Variants in PLEKHB1 observed in about 807,000 individuals in gnomAD.
PLEKHB1 encodes pleckstrin homology domain-containing family B member 1.
PLEKHB1 carries 29 observed loss-of-function variants against 36.2 expected under a neutral mutation model. The ratio of observed to expected loss-of-function variants is 0.80; its 90% CI spans 0.60 to 1.09. The LOEUF is 1.09. PLEKHB1 is among the 50% of genes least tolerant of loss of function. The probability of loss-of-function intolerance (pLI) is 0.00; values close to 1 mark genes in which losing one functional copy is unlikely to be tolerated. For missense variants in PLEKHB1, 330 were observed against 348.2 expected, an observed-to-expected ratio of 0.95 and a Z score of 0.42; for synonymous variants, 138 against 140.0, an observed-to-expected ratio of 0.99 and a Z score of 0.10.
chr11:73,657,458 G>A (rs1668910390), intron 6 of PLEKHB1, among the ~76,000 whole-genome samples: 1 of 152,222 alleles, frequency 6.6e-6, no homozygotes, highest in African/African-American at 2.4e-5. Context: ...GTGACCCCCT[G>A]ATTGGTCAAC....
At chr11:73,656,021 C>T in intron 6 of PLEKHB1, 114 bp downstream of exon 6, 1 of 852,168 alleles carries the variant, frequency 1.2e-6, no homozygotes, top group Non-Finnish European at 1.9e-6. Flanking sequence ...CCCTATCACC[C>T]ACAGGACACA....
chr11:73,653,117 T>A, intron 5 of PLEKHB1, 103 bp downstream of exon 5: 1 of 1,235,076 alleles, frequency 8.1e-7, no homozygotes, highest in African/African-American at 1.5e-5. Context: ...CTCAGTCTTA[T>A]GTGGATAGGT....
At chr11:73,647,612 C>A (rs1004395228) in intron 1 of PLEKHB1, 1 of 985,260 alleles carries the variant, frequency 1.0e-6, no homozygotes, top group African/African-American at 1.7e-5. Context: ...GGCTCTCAGG[C>A]GCTGCGGGAG....
intron 1 of PLEKHB1, 116 bp from the exon 2 acceptor site, chr11:73,648,896 G>T: frequency 6.8e-7 from 1 of 1,463,510 alleles, no homozygotes. Context: ...CCTGGCCCTT[G>T]TTTACTAACC....
At chr11:73,651,234 G>A (rs1944885269) in intron 3 of PLEKHB1, among the ~76,000 whole-genome samples, 1 of 151,686 alleles carries the variant, frequency 6.6e-6, no homozygotes. Flanking sequence ...GTGTGTACCT[G>A]TAGTCCCAGC....
intron 5 of PLEKHB1, chr11:73,653,302 G>A (rs1944934114): frequency 3.1e-6 from 2 of 653,380 alleles, no homozygotes; most frequent in Non-Finnish European, 5.7e-6. Context: ...CAGGTGTGGT[G>A]CAGGTATCAT....
At chr11:73,653,934 A>G (rs371785108) in intron 5 of PLEKHB1, among the ~76,000 whole-genome samples, 1 of 152,120 alleles carries the variant, frequency 6.6e-6, no homozygotes, top group South Asian at 2.1e-4. Context: ...ATCAGGTTCA[A>G]TTTATATTTT....
Position 73,650,553 on chromosome 11 carries a change from G to C in PLEKHB1, c.95G>C (p.Ser32Thr). ...LVRGGWLWRQ[S>T]SILRRWKRNW... ...CTAGTGCATCTGGAATATCGTACAG[G>C]CTCCATCCTCCGCCGCTGGAAGCGG... Residue 32 changes from serine (S) to threonine (T), a missense_variant and splice_region_variant, in exon 3 of 8, where the codon AGC (serine) becomes ACC (threonine). By Grantham distance (58) the Ser-to-Thr change is moderately conservative. Coordinates refer to ENST00000354190, the MANE Select transcript of PLEKHB1 (RefSeq NM_021200.3). 1 of 1,607,678 alleles carries C rather than the reference G, an allele frequency of 6.2e-7. No homozygotes were observed. Among genetic ancestry groups the C allele is most frequent in the Non-Finnish European group, 8.5e-7 (1 of 1,177,092 alleles).
rs149769679 is a variant in PLEKHB1, at chr11:73,655,873, C to T, written c.461C>T (p.Ser154Leu). The T allele has an allele frequency of 1.0e-4, 165 of 1,613,800 alleles. 4 individuals are homozygous for T. In the African/African-American group the frequency reaches 1.5e-3, roughly 14 times the overall value. Residue 154 changes from serine (S) to leucine (L), a missense_variant, in exon 6 of 8, where the codon TCG becomes TTG. Physicochemically the swap from Ser to Leu is moderately radical, Grantham distance 145. Transcript: ENST00000354190. ...VCSKVRCVTR[S>L]WSPCKVERRI... is the part of the protein sequence containing the mutation. Reference sequence around the variant, plus strand: ...TCCAAGGTCAGGTGTGTGACCCGCTCGTGGAGCCCCTGTAAGGTTGAGAGG... The same window carrying T: ...TCCAAGGTCAGGTGTGTGACCCGCTTGTGGAGCCCCTGTAAGGTTGAGAGG...
chr11:73,650,665 C>T lies in PLEKHB1; in HGVS notation c.207C>T (p.His69=). ...ACGAGGAGGACCGTGTGCTCATCCA[C>T]TTCAATGTCCGTGACATAAAGATCG... ...AQDEEDRVLI[H]FNVRDIKIGP... Residue 69 remains histidine (H), a synonymous_variant, in exon 3 of 8, where the codon CAC becomes CAT. Transcript: ENST00000354190. 1.2e-6 allele frequency: 2 copies of T among 1,610,774 alleles called. No homozygotes were observed. The highest frequency in any genetic ancestry group is 1.7e-6 in the Non-Finnish European group (2 of 1,178,474).
chr11:73,652,521 T>C (rs1944917399), intron 4 of PLEKHB1: 1 of 162,226 alleles, frequency 6.2e-6, no homozygotes, highest in Non-Finnish European at 1.3e-5. Context: ...AGAGCCGCCT[T>C]GTCCAACCCA....
intron 1 of PLEKHB1, 193 bp from the exon 2 acceptor site, chr11:73,648,819 G>T: frequency 7.5e-7 from 1 of 1,339,302 alleles, no homozygotes; most frequent in South Asian, 1.6e-5. Context: ...TGGCTGCCCT[G>T]CTGACCCCAC....
At chr11:73,649,824 G>T (rs977643617) in intron 2 of PLEKHB1, among the ~76,000 whole-genome samples, 3 of 152,208 alleles carry the variant, frequency 2.0e-5, no homozygotes, top group African/African-American at 7.2e-5. Context: ...CTCCCTGGGT[G>T]CCAGGACCTG....
intron 1 of PLEKHB1, chr11:73,647,693 A>G: frequency 1.0e-6 from 1 of 985,510 alleles, no homozygotes; most frequent in Non-Finnish European, 1.2e-6. Context: ...AGCAGCATCG[A>G]GTAGCGGCCG....
intron 1 of PLEKHB1, chr11:73,647,916 G>T (rs932585383): frequency 1.0e-6 from 1 of 985,460 alleles, no homozygotes. Context: ...GTGGGGGAGG[G>T]GCGGAGGCAC....
chr11:73,660,824 C>G lies in PLEKHB1; in HGVS notation c.567C>G (p.Val189=), dbSNP rs34052088. 694 of 1,599,018 alleles carry G rather than the reference C, an allele frequency of 4.3e-4. 2 individuals carry two copies. The highest frequency in any genetic ancestry group is 3.2e-4 in the Non-Finnish European group (376 of 1,174,372). ...VPPNAHEATY[V]RSYYGPPYAG... ...CCAATGCACACGAGGCCACGTATGT[C>G]CGCAGCTACTACGGACCGCCCTACG... The change falls in exon 7 of 8, where the codon GTC becomes GTG. Residue 189 remains valine, a synonymous_variant. Coordinates refer to ENST00000354190, the MANE Select transcript of PLEKHB1 (RefSeq NM_021200.3).
intron 2 of PLEKHB1, 67 bp downstream of exon 2, chr11:73,649,154 G>A (rs1944833877): frequency 6.5e-7 from 1 of 1,530,810 alleles, no homozygotes; most frequent in African/African-American, 1.4e-5. Context: ...CTTGCCACGG[G>A]GAACACTTCT....
At chr11:73,655,710 G>A (rs1199251753) in intron 5 of PLEKHB1, 93 bp from the exon 6 acceptor site, 1 of 1,103,916 alleles carries the variant, frequency 9.1e-7, no homozygotes, top group East Asian at 2.5e-5. Flanking sequence ...CTCTGGTAGG[G>A]TCTGGAAAGA....
chr11:73,652,491 GA>G (rs1433277736), intron 4 of PLEKHB1: 6 of 161,128 alleles, frequency 3.7e-5, no homozygotes, highest in African/African-American at 1.4e-4. Context: ...GGGGGAAGCT[GA>G]GCTCCAGGCA....
Sources: gnomAD v4.1 joint callset for allele counts (sites outside exome capture counted in the v4.1 genomes callset) on GRCh38, gnomAD v4.1.1 for gene constraint, MANE v1.5 for transcripts, NCBI Gene and HGNC (gene_info 2026-07-23, HGNC 2026-07-21) for gene names.